The following ZRANB3 variants were observed in gnomAD, a reference collection of about 807,000 sequenced individuals.
ZRANB3 encodes the protein DNA annealing helicase and endonuclease ZRANB3.
A neutral mutation model predicts 133.8 loss-of-function variants in ZRANB3; 125 were observed. That is an observed-to-expected ratio of 0.93 (90% CI 0.81 to 1.08). The LOEUF (loss-of-function observed/expected upper bound fraction) is 1.08, where lower values mean the gene tolerates loss of function less well. ZRANB3 is among the 50% of genes least tolerant of loss of function. The pLI is 0.00. For missense variants in ZRANB3, 1,229 were observed against 1,275.5 expected (o/e 0.96, Z 0.56); for synonymous variants, 387 against 432.7 (o/e 0.89, Z 1.31).
At chr2:135,457,183 T>A (rs1371653314) in intron 2 of ZRANB3, among the ~76,000 whole-genome samples, 1 of 152,216 alleles carries the variant, frequency 6.6e-6, no homozygotes, top group African/African-American at 2.4e-5. Flanking sequence ...GTCCATTTTA[T>A]GGATTCAGCA....
intron 2 of ZRANB3, among the ~76,000 whole-genome samples, chr2:135,395,647 G>A (rs1331501146): frequency 3.3e-5 from 5 of 151,694 alleles, no homozygotes; most frequent in Non-Finnish European, 7.4e-5. Flanking sequence ...TAGTTGAGAC[G>A]GGGTTTCACC....
intron 12 of ZRANB3, 42 bp from the exon 13 acceptor site, chr2:135,230,969 T>TA: frequency 6.7e-7 from 1 of 1,490,042 alleles, no homozygotes; most frequent in Non-Finnish European, 8.9e-7. Flanking sequence ...AGAAGCAATC[T>TA]AATATGTTCT....
intron 16 of ZRANB3, among the ~76,000 whole-genome samples, chr2:135,218,295 A>C (rs1694394322): frequency 6.6e-6 from 1 of 152,142 alleles, no homozygotes; most frequent in Non-Finnish European, 1.5e-5. Flanking sequence ...AACATCTGAG[A>C]ATTGCTTCGT....
intron 2 of ZRANB3, among the ~76,000 whole-genome samples, chr2:135,453,346 T>G (rs1690357716): frequency 6.6e-6 from 1 of 152,222 alleles, no homozygotes; most frequent in Non-Finnish European, 1.5e-5. Flanking sequence ...TCTTTTGGAT[T>G]AACATTAGGC....
chr2:135,387,530 C>T (rs888010972), intron 3 of ZRANB3, among the ~76,000 whole-genome samples: 3 of 152,124 alleles, frequency 2.0e-5, no homozygotes, highest in Admixed American at 6.6e-5. Flanking sequence ...TGTGATCTTA[C>T]GTCTTGTATG....
chr2:135,235,944 G>T (rs921107794), intron 12 of ZRANB3, among the ~76,000 whole-genome samples: 1 of 151,912 alleles, frequency 6.6e-6, no homozygotes, highest in Non-Finnish European at 1.5e-5. Context: ...CCAGGGCAAT[G>T]AGGCAGGAGA....
chr2:135,275,829 C>A, intron 8 of ZRANB3, 74 bp from the exon 9 acceptor site: 1 of 1,212,406 alleles, frequency 8.2e-7, no homozygotes, highest in Non-Finnish European at 1.1e-6. Context: ...TTTAATAAAG[C>A]AAGAAAAATG....
At position 135,207,357 on chromosome 2, in the gene ZRANB3, A is replaced by C. The variant is rs56715951; in HGVS notation, c.3009+77T>G. 7.9e-4 allele frequency: 1,167 copies of C among 1,470,082 alleles called. 9 individuals are homozygous for C. In the African/African-American group the frequency reaches 0.015, roughly 19 times the overall value. The allele number at this position is 1,470,082 out of a possible 1,614,324, so 91.1% of individuals were successfully genotyped here. On this transcript the variant is annotated intron_variant, in intron 19 of 20. Transcript: ENST00000264159. ...TATATATCTGAATATTCCCATGTTA[A>C]AATGTACAAAATAGAGAGTCAATAT...
chr2:135,338,613 A>C (rs1009781794), intron 6 of ZRANB3, among the ~76,000 whole-genome samples: 2 of 152,184 alleles, frequency 1.3e-5, no homozygotes, highest in African/African-American at 4.8e-5. Context: ...AAAAGATAAC[A>C]CAATTTTCTG....
intron 8 of ZRANB3, among the ~76,000 whole-genome samples, chr2:135,287,656 G>A (rs1201493458): frequency 7.8e-6 from 1 of 127,508 alleles, no homozygotes; most frequent in Non-Finnish European, 1.6e-5. Context: ...TCCTTGGTTA[G>A]GTATATTTCT....
Position 135,531,214 on chromosome 2 carries a change from T to C in ZRANB3, c.-95A>G, listed in dbSNP as rs1694602940. The C allele has an allele frequency of 6.6e-6, 1 of 152,298 alleles. No homozygotes were observed. Among genetic ancestry groups the C allele is most frequent in the Non-Finnish European group, 1.5e-5 (1 of 68,124 alleles). 9.4% of individuals were successfully genotyped at this position (152,298 alleles called of 1,614,324 possible). ...CTCTTTTACAAGTGGGCAAAATGGC[T>C]GTCCTCCTAGTTTTACCATTGGTTG... On this transcript the variant is annotated 5_prime_UTR_variant, in exon 1 of 21. Coordinates refer to ENST00000264159, the MANE Select transcript of ZRANB3 (RefSeq NM_032143.4).
chr2:135,504,492 T>C lies in ZRANB3; in HGVS notation c.-3A>G, dbSNP rs1417511432. 2 of 1,604,984 alleles carry C rather than the reference T, an allele frequency of 1.2e-6. No homozygotes were observed. The highest frequency in any genetic ancestry group is 1.3e-5 in the African/African-American group (1 of 74,536). On this transcript the variant is annotated 5_prime_UTR_variant, in exon 2 of 21. Transcript: ENST00000264159. ...TTTATGTTATGAACCCTAGGCATGA[T>C]GATCCTAAAAACAAAGAAACAACAA...
chr2:135,392,885 GT>G (rs111582673), intron 2 of ZRANB3, among the ~76,000 whole-genome samples: 4,330 of 148,048 alleles, frequency 0.029, 188 homozygotes, highest in African/African-American at 0.099. Context: ...ATGTTTTTTG[GT>G]TTTTTTTTTT....
At chr2:135,476,073 A>G (rs1691487253) in intron 2 of ZRANB3, among the ~76,000 whole-genome samples, 2 of 152,146 alleles carry the variant, frequency 1.3e-5, no homozygotes, top group South Asian at 4.1e-4. Flanking sequence ...ACAAGACTCC[A>G]TCTCAAAAGA....
intron 2 of ZRANB3, among the ~76,000 whole-genome samples, chr2:135,405,363 T>A (rs1023165096): frequency 1.3e-5 from 2 of 151,960 alleles, no homozygotes; most frequent in African/African-American, 4.8e-5. Context: ...TCACACACAA[T>A]AAAAATGGGA....
At chr2:135,318,921 T>C (rs1317227127) in intron 6 of ZRANB3, among the ~76,000 whole-genome samples, 1 of 152,242 alleles carries the variant, frequency 6.6e-6, no homozygotes, top group Non-Finnish European at 1.5e-5. Context: ...CATATTGTAT[T>C]CTTATCTCAG....
intron 3 of ZRANB3, among the ~76,000 whole-genome samples, chr2:135,384,039 A>T: frequency 6.6e-6 from 1 of 152,210 alleles, no homozygotes. Context: ...CCTTCAAAAA[A>T]TCAACGAATC....
intron 3 of ZRANB3, among the ~76,000 whole-genome samples, chr2:135,368,038 A>G (rs1414440708): frequency 6.6e-6 from 1 of 152,138 alleles, no homozygotes. Flanking sequence ...AAAAGAGCAC[A>G]GTCTGTCAAT....
chr2:135,263,337 C>CATATGTAG (rs1680055816), intron 12 of ZRANB3, among the ~76,000 whole-genome samples: 1 of 152,138 alleles, frequency 6.6e-6, no homozygotes, highest in African/African-American at 2.4e-5. Flanking sequence ...TCTACATATC[C>CATATGTAG]ATTCTTCTAT....
Sources: allele counts gnomAD v4.1 joint callset (sites outside exome capture counted in the v4.1 genomes callset), GRCh38; gene constraint gnomAD v4.1.1; transcripts MANE v1.5; gene names NCBI Gene and HGNC (gene_info 2026-07-23, HGNC 2026-07-21).